TINAG: variants seen among roughly 807,000 people sequenced by gnomAD.
TINAG encodes the protein tubulointerstitial nephritis antigen.
Under a neutral mutation model 72.7 loss-of-function variants are expected in TINAG, and 83 were observed. The observed-to-expected ratio is 1.14, with a 90% CI of 0.96 to 1.37. The LOEUF (loss-of-function observed/expected upper bound fraction) is 1.37, where lower values mean the gene tolerates loss of function less well. Among genes scored for constraint, TINAG ranks in the 40% most tolerant of loss-of-function variants. The pLI, the probability that TINAG is intolerant of heterozygous loss-of-function variation, is 0.00. For missense variants in TINAG, 685 were observed against 576.6 expected (o/e 1.19, Z -1.93); for synonymous variants, 234 against 189.9 (o/e 1.23, Z -1.91).
chr6:54,309,924 C>T (rs1241383486), intron 1 of TINAG, among the ~76,000 whole-genome samples: 1 of 151,364 alleles, frequency 6.6e-6, no homozygotes, highest in Non-Finnish European at 1.5e-5. Flanking sequence ...GGAAATGTCT[C>T]TTTATGTGTC....
chr6:54,314,887 T>C (rs2150930503), intron 1 of TINAG, among the ~76,000 whole-genome samples: 1 of 152,298 alleles, frequency 6.6e-6, no homozygotes, highest in African/African-American at 2.4e-5. Flanking sequence ...TAGTTTTTAC[T>C]CCATTCACTA....
intron 5 of TINAG, among the ~76,000 whole-genome samples, chr6:54,343,752 A>G (rs1785058204): frequency 7.8e-6 from 1 of 128,788 alleles, no homozygotes; most frequent in South Asian, 2.3e-4. Context: ...ATTTGCAAAA[A>G]CAGTTATTAA....
At chr6:54,384,214 G>A (rs909075927) in intron 10 of TINAG, among the ~76,000 whole-genome samples, 1 of 152,112 alleles carries the variant, frequency 6.6e-6, no homozygotes, top group Non-Finnish European at 1.5e-5. Flanking sequence ...CGGGTGGGGG[G>A]CTAGGAGAGG....
In TINAG at chr6:54,360,841, G is replaced by GTTTTTTTTTTT. The variant is rs70983415; in HGVS notation, c.1250+6226_1250+6236dup. On this transcript the variant is annotated intron_variant, in intron 9 of 10. Coordinates refer to ENST00000259782, the MANE Select transcript of TINAG (RefSeq NM_014464.4). ...GTTTCTTGTGTTTCACAGATACTGTGTTTTTTTTTTTTTTTTTTTTTTTTT... is the reference window on the plus strand; with the variant it reads ...GTTTCTTGTGTTTCACAGATACTGTGTTTTTTTTTTTTTTTTTTTTTTTTTTTTTTTTTTTT... 7.6e-4 allele frequency among the ~76,000 whole-genome samples: 20 copies of GTTTTTTTTTTT among 26,252 alleles called. 5 individuals carry two copies. The East Asian group carries it at 8.7e-3, about 11-fold the overall frequency. 17.2% of individuals were successfully genotyped at this position (26,252 alleles called of 152,430 possible). A position where few individuals can be genotyped will look rare whatever the true frequency, so the allele number is the denominator to read the frequency against.
At chr6:54,373,499 C>T (rs1033626892) in intron 9 of TINAG, among the ~76,000 whole-genome samples, 8 of 152,058 alleles carry the variant, frequency 5.3e-5, no homozygotes, top group East Asian at 1.9e-4. Flanking sequence ...GCTTCTAAGA[C>T]ACTAGTGATA....
chr6:54,385,995 G>T (rs1764089190), intron 10 of TINAG, among the ~76,000 whole-genome samples: 1 of 142,958 alleles, frequency 7.0e-6, no homozygotes, highest in Admixed American at 7.4e-5. Context: ...GGTTCAAGCA[G>T]TTCTCCCTAC....
At chr6:54,376,912 T>C (rs911765045) in intron 9 of TINAG, among the ~76,000 whole-genome samples, 3 of 152,082 alleles carry the variant, frequency 2.0e-5, no homozygotes, top group Non-Finnish European at 4.4e-5. Flanking sequence ...CCAGTCTCAA[T>C]GTAGGGAGAC....
intron 1 of TINAG, among the ~76,000 whole-genome samples, chr6:54,310,609 CTCTG>C (rs925491087): frequency 2.1e-5 from 3 of 142,196 alleles, no homozygotes; most frequent in Admixed American, 7.0e-5. Flanking sequence ...CTTTCTCTCT[CTCTG>C]TCTCTCTCCC....
chr6:54,308,624 C>T lies in TINAG; in HGVS notation c.74C>T (p.Ser25Phe). 1 of 1,613,724 alleles carries T rather than the reference C, an allele frequency of 6.2e-7. No individual in the cohort carries two copies. The highest frequency in any genetic ancestry group is 1.7e-4 in the Middle Eastern group (1 of 6,058). The stretch of plus-strand genomic sequence containing the variant: ...ATCTGGATGGAGAAGCAGTATTTAT[C>T]TCAAAGAGAAGTGGACCTAGAGGCT... Reference protein sequence around the residue: ...TEIWMEKQYLSQREVDLEAYF... With the variant: ...TEIWMEKQYLFQREVDLEAYF... The change falls in exon 1 of 11, where the codon TCT (serine) becomes TTT (phenylalanine). Residue 25 changes from serine to phenylalanine, a missense_variant. Ser to Phe is a radical substitution (Grantham distance 155). Coordinates refer to ENST00000259782, the MANE Select transcript of TINAG (RefSeq NM_014464.4).
At chr6:54,375,910 C>G (rs1338690543) in intron 9 of TINAG, among the ~76,000 whole-genome samples, 2 of 152,108 alleles carry the variant, frequency 1.3e-5, no homozygotes, top group Non-Finnish European at 2.9e-5. Context: ...TCAAATGGCT[C>G]TTTATCACCA....
chr6:54,322,009 A>T (rs1350025624), intron 3 of TINAG, among the ~76,000 whole-genome samples: 1 of 152,136 alleles, frequency 6.6e-6, no homozygotes, highest in East Asian at 1.9e-4. Flanking sequence ...GGAAATTAAG[A>T]TGTAGGCACT....
intron 3 of TINAG, among the ~76,000 whole-genome samples, chr6:54,325,530 A>G (rs1784584102): frequency 6.6e-6 from 1 of 152,176 alleles, no homozygotes; most frequent in Non-Finnish European, 1.5e-5. Context: ...ACACACACAT[A>G]CAGACACAGA....
chr6:54,341,869 C>T (rs1785004354), intron 4 of TINAG, among the ~76,000 whole-genome samples: 1 of 151,920 alleles, frequency 6.6e-6, no homozygotes, highest in South Asian at 2.1e-4. Context: ...GTCCTAGGAG[C>T]ATTTCTTGTT....
At chr6:54,349,943 T>C in intron 7 of TINAG, 47 bp downstream of exon 7, 1 of 1,331,856 alleles carries the variant, frequency 7.5e-7, no homozygotes, top group Non-Finnish European at 1.0e-6. Flanking sequence ...TTCTCAAATG[T>C]ATATAGCTCT....
chr6:54,371,024 C>A (rs59459598), intron 9 of TINAG, among the ~76,000 whole-genome samples: 23,944 of 151,950 alleles, frequency 0.16, 2,032 homozygotes, highest in Non-Finnish European at 0.18. Context: ...TCTTTTTATT[C>A]AGGCAAAGAC....
chr6:54,308,110 T>A (rs1194164657), upstream of TINAG: 5 of 1,549,718 alleles, frequency 3.2e-6, no homozygotes, highest in African/African-American at 5.5e-5. Flanking sequence ...GTGAAACGAA[T>A]AATTGCATTT....
At chr6:54,383,712 A>G (rs1764015943) in intron 10 of TINAG, among the ~76,000 whole-genome samples, 1 of 152,164 alleles carries the variant, frequency 6.6e-6, no homozygotes, top group Admixed American at 6.5e-5. Flanking sequence ...AATAACCATT[A>G]TTTTAAAAAA....
chr6:54,374,951 C>G (rs973564542), intron 9 of TINAG, among the ~76,000 whole-genome samples: 1 of 152,078 alleles, frequency 6.6e-6, no homozygotes, highest in South Asian at 2.1e-4. Flanking sequence ...CAGAGTTTGT[C>G]TGCCCAGAAA....
At chr6:54,370,424 ATATAAAT>A (rs1323760211) in intron 9 of TINAG, among the ~76,000 whole-genome samples, 4 of 152,088 alleles carry the variant, frequency 2.6e-5, no homozygotes, top group African/African-American at 9.6e-5. Flanking sequence ...AATGCAACCA[ATATAAAT>A]TATAAATTAT....
Sources: allele counts gnomAD v4.1 joint callset (sites outside exome capture counted in the v4.1 genomes callset), GRCh38; gene constraint gnomAD v4.1.1; transcripts MANE v1.5; gene names NCBI Gene and HGNC (gene_info 2026-07-23, HGNC 2026-07-21).